Variants in CBR4 observed in about 807,000 individuals in gnomAD.
The protein encoded by CBR4 is carbonyl reductase 4.
Under a neutral mutation model 21.0 loss-of-function variants are expected in CBR4, and 22 were observed. That is an observed-to-expected ratio of 1.05 (90% CI 0.75 to 1.50). CBR4 has a LOEUF of 1.50. CBR4 is among the 40% of genes most tolerant of loss of function. The pLI is 0.00. For synonymous variants in CBR4, 100 were observed against 104.4 expected, an observed-to-expected ratio of 0.96 and a Z score of 0.26; for missense variants, 302 against 286.3, an observed-to-expected ratio of 1.05 and a Z score of -0.40.
At chr4:168,925,305 A>G (rs1762367626) in intron 2 of CBR4, 3 of 1,527,910 alleles carry the variant, frequency 2.0e-6, no homozygotes, top group South Asian at 2.2e-5. Flanking sequence ...TTGAATTATT[A>G]GCAAAATATG....
chr4:168,947,780 TGATA>T (rs1763432742), intron 2 of CBR4, among the ~76,000 whole-genome samples: 1 of 152,230 alleles, frequency 6.6e-6, no homozygotes, highest in South Asian at 2.1e-4. Flanking sequence ...ACTCATTGAT[TGATA>T]GACATTTGGG....
chr4:168,905,453 C>T (rs1757523779), intron 2 of CBR4, among the ~76,000 whole-genome samples: 2 of 151,756 alleles, frequency 1.3e-5, no homozygotes, highest in Admixed American at 6.6e-5. Context: ...CGGCCTGAGA[C>T]TCTGTTTCTA....
At chr4:169,006,432 G>C (rs1174139099) in intron 3 of CBR4, among the ~76,000 whole-genome samples, 2 of 152,106 alleles carry the variant, frequency 1.3e-5, no homozygotes, top group African/African-American at 4.8e-5. Flanking sequence ...TTCTTGCACG[G>C]CAACAATCTA....
intron 2 of CBR4, among the ~76,000 whole-genome samples, chr4:168,979,613 T>G (rs1764479969): frequency 6.6e-6 from 1 of 152,114 alleles, no homozygotes; most frequent in East Asian, 1.9e-4. Flanking sequence ...AAGAGCCTGG[T>G]TGCTTCACTG....
downstream of CBR4, among the ~76,000 whole-genome samples, chr4:168,985,396 T>C (rs1202045208): frequency 6.6e-6 from 1 of 152,104 alleles, no homozygotes; most frequent in East Asian, 1.9e-4. Flanking sequence ...AAACAACAGA[T>C]GCTGGTGGTT....
intron 2 of CBR4, among the ~76,000 whole-genome samples, chr4:168,931,554 C>T (rs1426684450): frequency 1.3e-5 from 2 of 151,984 alleles, no homozygotes; most frequent in African/African-American, 2.4e-5. Context: ...CCCTGGCTGG[C>T]TGAGAGGCAC....
Position 168,961,107 on chromosome 4 carries a change from G to A in CBR4, n.169+40964C>T, listed in dbSNP as rs113693575. 2.7e-3 allele frequency among the ~76,000 whole-genome samples: 418 copies of A among 152,286 alleles called. 7 individuals are homozygous for A. Among genetic ancestry groups the A allele is most frequent in the Non-Finnish European group, 3.8e-3 (261 of 68,022 alleles). On this transcript the variant is annotated intron_variant and non_coding_transcript_variant, in intron 2 of 3. Coordinates refer to the CBR4 transcript ENST00000509108. The stretch of plus-strand genomic sequence containing the variant: ...AGCATAAAAGCAGCACTGACCAACT[G>A]AAAGGCAAGAGATGATACTGACGCT...
At chr4:169,002,734 T>C (rs2126856839) in intron 3 of CBR4, among the ~76,000 whole-genome samples, 1 of 141,462 alleles carries the variant, frequency 7.1e-6, no homozygotes, top group African/African-American at 2.9e-5. Flanking sequence ...GCTTTGCAGA[T>C]ATTGCATTTT....
chr4:168,913,311 A>AT (rs1461061531), intron 2 of CBR4, among the ~76,000 whole-genome samples: 1 of 151,386 alleles, frequency 6.6e-6, no homozygotes, highest in Non-Finnish European at 1.5e-5. Context: ...TAATTTTTGT[A>AT]TTTTTTTAGT....
intron 2 of CBR4, among the ~76,000 whole-genome samples, chr4:168,951,787 T>C (rs1364391975): frequency 6.6e-6 from 1 of 152,200 alleles, no homozygotes; most frequent in Non-Finnish European, 1.5e-5. Context: ...AAATCTGCTG[T>C]TAGTCTGATA....
chr4:168,969,042 T>C (rs1359585066), intron 2 of CBR4, among the ~76,000 whole-genome samples: 2 of 152,232 alleles, frequency 1.3e-5, no homozygotes, highest in Non-Finnish European at 2.9e-5. Flanking sequence ...CATCTCCACA[T>C]GCTCCCATTA....
chr4:168,959,566 T>TC (rs1763784998), intron 2 of CBR4, among the ~76,000 whole-genome samples: 1 of 147,824 alleles, frequency 6.8e-6, no homozygotes, highest in Admixed American at 6.7e-5. Context: ...AATTTCTTTT[T>TC]TTTTTTTTTT....
intron 2 of CBR4, among the ~76,000 whole-genome samples, chr4:168,972,854 A>G (rs72704281): frequency 0.092 from 14,022 of 152,224 alleles, 759 homozygotes; most frequent in Middle Eastern, 0.22. Flanking sequence ...GTCTTGTTTC[A>G]GTTCTTAAAG....
chr4:168,983,050 A>G (rs1006814931), downstream of CBR4, among the ~76,000 whole-genome samples: 1 of 152,178 alleles, frequency 6.6e-6, no homozygotes, highest in African/African-American at 2.4e-5. Flanking sequence ...AAGCTAGCGG[A>G]AGAACAGAAC....
intron 2 of CBR4, among the ~76,000 whole-genome samples, chr4:168,918,634 T>C (rs1233241744): frequency 2.0e-5 from 3 of 152,138 alleles, no homozygotes; most frequent in Non-Finnish European, 4.4e-5. Flanking sequence ...CTATAGTTAA[T>C]AACGATGTAC....
intron 2 of CBR4, among the ~76,000 whole-genome samples, chr4:168,934,820 A>G (rs531311800): frequency 6.6e-6 from 1 of 152,230 alleles, no homozygotes; most frequent in Non-Finnish European, 1.5e-5. Flanking sequence ...GAATTCTTCC[A>G]AACTTATTTT....
chr4:168,895,408 A>G (rs1221165064), intron 2 of CBR4, among the ~76,000 whole-genome samples: 2 of 152,178 alleles, frequency 1.3e-5, no homozygotes, highest in Non-Finnish European at 2.9e-5. Context: ...AAAAACACAT[A>G]TACGACTTTT....
intron 2 of CBR4, among the ~76,000 whole-genome samples, chr4:168,954,688 T>C (rs1423822371): frequency 1.3e-5 from 2 of 152,170 alleles, no homozygotes; most frequent in African/African-American, 4.8e-5. Flanking sequence ...TTCAGAAAGT[T>C]ACTTGAAGAT....
At chr4:168,902,138 A>T (rs1756652716) in intron 2 of CBR4, among the ~76,000 whole-genome samples, 1 of 152,206 alleles carries the variant, frequency 6.6e-6, no homozygotes, top group Non-Finnish European at 1.5e-5. Flanking sequence ...GATTTTTCAG[A>T]TTCAAATACT....
Sources: allele counts gnomAD v4.1 joint callset (sites outside exome capture counted in the v4.1 genomes callset), GRCh38; gene constraint gnomAD v4.1.1; transcripts MANE v1.5; gene names NCBI Gene and HGNC (gene_info 2026-07-23, HGNC 2026-07-21).